The following WDR7 variants were observed in gnomAD, a reference collection of about 807,000 sequenced individuals.
WDR7 encodes WD repeat-containing protein 7.
WDR7 carries 46 observed loss-of-function variants against 169.4 expected under a neutral mutation model. That is an observed-to-expected ratio of 0.27 (90% CI 0.21 to 0.35). WDR7 has a LOEUF of 0.35. WDR7 is among the 10% of genes least tolerant of loss of function. WDR7 has a pLI of 1.00. For synonymous variants in WDR7, 612 were observed against 666.8 expected, an observed-to-expected ratio of 0.92 and a Z score of 1.27; for missense variants, 1,534 against 1,859.3, an observed-to-expected ratio of 0.83 and a Z score of 3.22.
intron 21 of WDR7, among the ~76,000 whole-genome samples, chr18:56,882,538 C>T (rs536915325): frequency 1.3e-5 from 2 of 152,252 alleles, no homozygotes; most frequent in South Asian, 4.1e-4. Context: ...TCATATCCAT[C>T]ATCATCAATT....
At chr18:56,872,430 A>G (rs1342048778) in intron 20 of WDR7, among the ~76,000 whole-genome samples, 1 of 152,208 alleles carries the variant, frequency 6.6e-6, no homozygotes, top group Admixed American at 6.5e-5. Context: ...ATTCTAGTTA[A>G]GCTGTAAGTA....
intron 14 of WDR7, among the ~76,000 whole-genome samples, chr18:56,755,787 G>C (rs1328491624): frequency 1.3e-5 from 2 of 152,126 alleles, no homozygotes; most frequent in East Asian, 3.9e-4. Context: ...AGAGGTAGAA[G>C]ACTTACCAGG....
chr18:56,817,343 CAAA>C (rs79929553), intron 20 of WDR7, among the ~76,000 whole-genome samples: 6 of 70,626 alleles, frequency 8.5e-5, no homozygotes, highest in African/African-American at 9.6e-5. Flanking sequence ...GACTCTGTCT[CAAA>C]AAAAAAAAAA....
At chr18:56,897,687 G>A (rs2046348550) in intron 21 of WDR7, among the ~76,000 whole-genome samples, 1 of 151,778 alleles carries the variant, frequency 6.6e-6, no homozygotes, top group African/African-American at 2.4e-5. Flanking sequence ...AATAAAAGAA[G>A]GGCATAAAAA....
chr18:56,945,710 G>T (rs2047093661), intron 25 of WDR7, among the ~76,000 whole-genome samples: 1 of 152,096 alleles, frequency 6.6e-6, no homozygotes, highest in Non-Finnish European at 1.5e-5. Context: ...TGATTTCTAG[G>T]ATCCACATGA....
At chr18:56,817,187 A>C (rs2044988055) in intron 20 of WDR7, among the ~76,000 whole-genome samples, 2 of 152,014 alleles carry the variant, frequency 1.3e-5, no homozygotes, top group African/African-American at 4.8e-5. Flanking sequence ...TCTACTAAAA[A>C]TACAAAAATT....
In WDR7 at chr18:56,939,334, C is replaced by T. The variant is rs199501979; in HGVS notation, c.4005C>T (p.Cys1335=). The change falls in exon 25 of 28, where the codon TGC becomes TGT. Residue 1335 remains cysteine (C), a synonymous_variant. Coordinates refer to ENST00000254442, the MANE Select transcript of WDR7 (RefSeq NM_015285.3). ...LVEVMDIIMY[C]LEGSLVKKKG... is the part of the protein sequence containing the mutation. Reference sequence around the variant, plus strand: ...AGGTTATGGACATCATTATGTACTGCCTTGAAGGATCTTTAGTTAAAAAGA... The same window carrying T: ...AGGTTATGGACATCATTATGTACTGTCTTGAAGGATCTTTAGTTAAAAAGA... The T allele has an allele frequency of 3.8e-6, 6 of 1,581,680 alleles. No individual in the cohort carries two copies. The highest frequency in any genetic ancestry group is 1.7e-4 in the Middle Eastern group (1 of 5,942).
chr18:56,888,751 GCT>G (rs1487860188), intron 21 of WDR7, among the ~76,000 whole-genome samples: 7 of 152,116 alleles, frequency 4.6e-5, no homozygotes, highest in Admixed American at 4.6e-4. Context: ...ATTCCATTTT[GCT>G]CTCTCATTAG....
intron 2 of WDR7, among the ~76,000 whole-genome samples, chr18:56,674,866 G>A (rs2025210976): frequency 6.6e-6 from 1 of 152,122 alleles, no homozygotes; most frequent in African/African-American, 2.4e-5. Context: ...TAAGAGAAGG[G>A]TTTGACTTCA....
intron 12 of WDR7, among the ~76,000 whole-genome samples, chr18:56,701,393 A>G (rs2025831432): frequency 6.6e-6 from 1 of 152,222 alleles, no homozygotes; most frequent in Non-Finnish European, 1.5e-5. Flanking sequence ...TGATAAAACA[A>G]ACTACTATAT....
intron 21 of WDR7, among the ~76,000 whole-genome samples, chr18:56,920,877 T>C (rs892609288): frequency 6.6e-6 from 1 of 152,308 alleles, no homozygotes; most frequent in East Asian, 1.9e-4. Context: ...TTTGGTCCTC[T>C]TTGATCCATG....
intron 19 of WDR7, among the ~76,000 whole-genome samples, chr18:56,792,579 A>G (rs2044507484): frequency 1.3e-5 from 2 of 151,698 alleles, no homozygotes; most frequent in African/African-American, 4.8e-5. Context: ...CGTAAAACCA[A>G]TAAAAAGTAT....
At chr18:56,698,812 A>G (rs2025762280) in intron 12 of WDR7, among the ~76,000 whole-genome samples, 1 of 152,200 alleles carries the variant, frequency 6.6e-6, no homozygotes, top group Admixed American at 6.5e-5. Context: ...AGGGAAGTCT[A>G]GTACTTGAAA....
intron 12 of WDR7, among the ~76,000 whole-genome samples, chr18:56,705,087 C>T (rs1423878976): frequency 4.6e-5 from 7 of 152,096 alleles, no homozygotes; most frequent in African/African-American, 1.2e-4. Flanking sequence ...CCTATCTTGG[C>T]GTCTTAAAGT....
At chr18:56,912,740 C>T (rs1278174592) in intron 21 of WDR7, among the ~76,000 whole-genome samples, 1 of 152,178 alleles carries the variant, frequency 6.6e-6, no homozygotes. Flanking sequence ...TTTTCACCCA[C>T]CTCATTGGCC....
intron 5 of WDR7, among the ~76,000 whole-genome samples, chr18:56,684,721 T>C (rs892111675): frequency 2.6e-5 from 4 of 152,156 alleles, no homozygotes; most frequent in Non-Finnish European, 5.9e-5. Context: ...GTTCTGAAGT[T>C]TGTTAATAGG....
intron 22 of WDR7, among the ~76,000 whole-genome samples, chr18:56,924,773 T>A (rs1227225860): frequency 2.0e-5 from 3 of 152,242 alleles, no homozygotes; most frequent in East Asian, 3.8e-4. Context: ...TGTTTCCTTT[T>A]GGTGTATAAT....
chr18:56,761,247 CA>C (rs1437853420), intron 16 of WDR7, among the ~76,000 whole-genome samples: 2 of 152,130 alleles, frequency 1.3e-5, no homozygotes, highest in African/African-American at 4.8e-5. Flanking sequence ...TGAGCTCAGG[CA>C]ATTCACCCAC....
At chr18:56,968,988 A>T (rs528000629) in intron 26 of WDR7, among the ~76,000 whole-genome samples, 1 of 152,264 alleles carries the variant, frequency 6.6e-6, no homozygotes, top group South Asian at 2.1e-4. Flanking sequence ...TCCACACATT[A>T]TTATTGATAC....
Sources: gnomAD v4.1 joint callset for allele counts (sites outside exome capture counted in the v4.1 genomes callset) on GRCh38, gnomAD v4.1.1 for gene constraint, MANE v1.5 for transcripts, NCBI Gene and HGNC (gene_info 2026-07-23, HGNC 2026-07-21) for gene names.